The following G6PC1 variants were observed in gnomAD, a reference collection of about 807,000 sequenced individuals.
G6PC1 encodes glucose-6-phosphatase catalytic subunit 1.
Under a neutral mutation model 30.4 loss-of-function variants are expected in G6PC1, and 23 were observed. The observed-to-expected ratio is 0.76, with a 90% confidence interval of 0.55 to 1.07. The LOEUF is 1.07. Ranked by LOEUF, G6PC1 falls within the 50% of genes least tolerant of loss-of-function variation. The pLI, the probability that G6PC1 is intolerant of heterozygous loss-of-function variation, is 0.00. For synonymous variants in G6PC1, 163 were observed against 175.6 expected, an observed-to-expected ratio of 0.93 and a Z score of 0.57; for missense variants, 391 against 433.9, an observed-to-expected ratio of 0.90 and a Z score of 0.88.
At chr17:42,904,355 T>G in intron 2 of G6PC1, 1 of 389,874 alleles carries the variant, frequency 2.6e-6, no homozygotes. Context: ...CTGGGGGTCC[T>G]TCCCAATGGC....
rs756632286 is a variant in G6PC1 at position 42,903,941 on chromosome 17, G to C, written c.241G>C (p.Gly81Arg). 1 of 1,611,464 alleles carries C rather than the reference G, an allele frequency of 6.2e-7. No homozygotes were observed. Among genetic ancestry groups the C allele is most frequent in the Non-Finnish European group, 8.5e-7 (1 of 1,177,674 alleles). The change falls in exon 2 of 5, where the codon GGA becomes CGA. Residue 81 changes from glycine to arginine, a missense_variant. Physicochemically the swap from Gly to Arg is moderately radical, Grantham distance 125. Transcript: ENST00000253801. ...LNLVFKWILFGQRPYWWVLDT... is the reference protein window; with the variant it reads ...LNLVFKWILFRQRPYWWVLDT... ...TCTGTTTTTCCATAGGATTCTCTTT[G>C]GACAGCGTCCATACTGGTGGGTTTT...
chr17:42,907,737 T>A (rs1171829538), intron 3 of G6PC1, 109 bp downstream of exon 3: 1 of 765,496 alleles, frequency 1.3e-6, no homozygotes, highest in African/African-American at 1.7e-5. Flanking sequence ...CTCCCACACC[T>A]GGGCAGCCGC....
rs1255472535 is a variant in G6PC1, at chr17:42,907,581, T to A, written c.399T>A (p.Ser133=). Residue 133 remains serine (S), a synonymous_variant, in exon 3 of 5, where the codon TCT becomes TCA. Coordinates refer to ENST00000253801, the MANE Select transcript of G6PC1 (RefSeq NM_000151.4). The stretch of plus-strand genomic sequence containing the variant: ...GTGTATACTACGTGATGGTCACATC[T>A]ACTCTTTCCATCTTTCAGGGAAAGA... The part of the protein sequence containing the change: ...TAGVYYVMVT[S]TLSIFQGKIK... 1.2e-6 allele frequency: 2 copies of A among 1,614,004 alleles called. No individual in the cohort carries two copies. Among genetic ancestry groups the A allele is most frequent in the South Asian group, 2.2e-5 (2 of 91,066 alleles).
rs548521334 is a variant in G6PC1 at position 42,903,747 on chromosome 17, A to G, written c.231-184A>G. Among the ~76,000 whole-genome samples the G allele has an allele frequency of 4.6e-5, 7 of 152,198 alleles. No homozygotes were observed. In the South Asian group the frequency reaches 1.5e-3, roughly 32 times the overall value. Reference sequence around the variant, plus strand: ...ATACATTCAAACAGTTCAAAATGCAAAAGTTACATACATAAGGAAGTGTCA... The same window carrying G: ...ATACATTCAAACAGTTCAAAATGCAGAAGTTACATACATAAGGAAGTGTCA... On this transcript the variant is annotated intron_variant, in intron 1 of 4. Transcript: ENST00000253801.
In G6PC1 at chr17:42,911,391, C is replaced by T. The variant is rs80356487; in HGVS notation, c.1039C>T (p.Gln347Ter). The T allele has an allele frequency of 2.9e-4, 462 of 1,614,180 alleles. No homozygotes were observed. Among genetic ancestry groups the T allele is most frequent in the Non-Finnish European group, 3.7e-4 (437 of 1,180,030 alleles). The change falls in exon 5 of 5, where the codon CAG becomes TAG. Residue 347 changes from glutamine to a stop codon, truncating the protein, a stop_gained. Coordinates refer to ENST00000253801, the MANE Select transcript of G6PC1 (RefSeq NM_000151.4). LOFTEE classifies it high-confidence loss of function. Reference sequence around the variant, plus strand: ...CAGTGTCATCCCCTACTGCCTCGCCCAGGTCCTGGGCCAGCCGCACAAGAA... The same window carrying T: ...CAGTGTCATCCCCTACTGCCTCGCCTAGGTCCTGGGCCAGCCGCACAAGAA... ...SVSVIPYCLA[Q>*]VLGQPHKKSL
chr17:42,905,429 A>AAATATATATAT (rs572893716), intron 2 of G6PC1, among the ~76,000 whole-genome samples: 4 of 120,856 alleles, frequency 3.3e-5, no homozygotes, highest in African/African-American at 1.2e-4. Flanking sequence ...AAAAAAAAAA[A>AAATATATATAT]ATATATATAT....
chr17:42,907,500 C>T, intron 2 of G6PC1, 23 bp from the exon 3 acceptor site: 2 of 1,552,422 alleles, frequency 1.3e-6, no homozygotes, highest in Non-Finnish European at 1.8e-6. Flanking sequence ...CACCTTTACT[C>T]CATTCTCTTT....
chr17:42,906,739 G>C (rs946991921), intron 2 of G6PC1, among the ~76,000 whole-genome samples: 2 of 152,150 alleles, frequency 1.3e-5, no homozygotes, highest in Non-Finnish European at 2.9e-5. Context: ...AATTTGCTGT[G>C]TGTGGTGGTG....
At chr17:42,905,919 G>A (rs1040150557) in intron 2 of G6PC1, among the ~76,000 whole-genome samples, 4 of 151,772 alleles carry the variant, frequency 2.6e-5, no homozygotes, top group African/African-American at 9.7e-5. Context: ...GGTGGCGGGC[G>A]CCTGTAATCC....
chr17:42,914,173 G>A lies in G6PC1; in HGVS notation c.*2747G>A, dbSNP rs2056112841. Among the ~76,000 whole-genome samples, 1 of 151,636 alleles carries A rather than the reference G, an allele frequency of 6.6e-6. No individual in the cohort carries two copies. Among genetic ancestry groups the A allele is most frequent in the Admixed American group, 6.6e-5 (1 of 15,206 alleles). On this transcript the variant is annotated 3_prime_UTR_variant, in exon 5 of 5. Transcript: ENST00000253801. ...TGGTCTTGAACTCCTGGGTTCAAGTGATCCTCCTGCCTCAGCCTCCCAAAG... is the reference window on the plus strand; with the variant it reads ...TGGTCTTGAACTCCTGGGTTCAAGTAATCCTCCTGCCTCAGCCTCCCAAAG...
chr17:42,904,294 C>T (rs2056045401), intron 2 of G6PC1: 2 of 472,296 alleles, frequency 4.2e-6, no homozygotes, highest in Non-Finnish European at 7.9e-6. Flanking sequence ...GTGAGAGTCA[C>T]CGCCCTGCAG....
chr17:42,905,880 T>TA (rs541330174), intron 2 of G6PC1, among the ~76,000 whole-genome samples: 75 of 151,414 alleles, frequency 5.0e-4, no homozygotes, highest in Non-Finnish European at 7.7e-4. Context: ...TCGTCACTAA[T>TA]AAAAAAATAC....
chr17:42,903,897 A>G, intron 1 of G6PC1, 34 bp from the exon 2 acceptor site: 1 of 1,420,984 alleles, frequency 7.0e-7, no homozygotes, highest in Non-Finnish European at 1.0e-6. Flanking sequence ...GCATTCATTC[A>G]GTAACCCCAG....
intron 1 of G6PC1, among the ~76,000 whole-genome samples, chr17:42,903,707 A>G (rs2056041298): frequency 6.7e-6 from 1 of 148,740 alleles, no homozygotes; most frequent in South Asian, 2.1e-4. Flanking sequence ...TCCTGTCTCA[A>G]AAAAAAAAAA....
In G6PC1 at chr17:42,912,752, G is replaced by A. The variant is rs971966934; in HGVS notation, c.*1326G>A. On this transcript the variant is annotated 3_prime_UTR_variant, in exon 5 of 5. Coordinates refer to ENST00000253801, the MANE Select transcript of G6PC1 (RefSeq NM_000151.4). The stretch of plus-strand genomic sequence containing the variant: ...AGCGTCCCGCGTAGCTGGGACTACA[G>A]GTGCAAGCCACTATGTCCAGCTAGC... 7 of 151,614 alleles carry A rather than the reference G, an allele frequency of 4.6e-5. No homozygotes were observed. The highest frequency in any genetic ancestry group is 1.7e-4 in the African/African-American group (7 of 41,212). 9.4% of individuals were successfully genotyped at this position (151,614 alleles called of 1,614,324 possible).
intron 3 of G6PC1, among the ~76,000 whole-genome samples, chr17:42,908,977 G>A (rs1209441401): frequency 2.6e-5 from 4 of 151,830 alleles, no homozygotes; most frequent in Admixed American, 6.6e-5. Flanking sequence ...CAAAGTGCTG[G>A]GATTACAAGC....
chr17:42,901,214 G>T (rs1195710546), intron 1 of G6PC1, 108 bp downstream of exon 1: 6 of 912,878 alleles, frequency 6.6e-6, no homozygotes, highest in South Asian at 1.3e-5. Context: ...GAAGCCACGG[G>T]CTACTCATGC....
At chr17:42,903,080 A>C (rs74933780) in intron 1 of G6PC1, among the ~76,000 whole-genome samples, 1 of 126,684 alleles carries the variant, frequency 7.9e-6, no homozygotes, top group African/African-American at 3.0e-5. Flanking sequence ...GGATTTCAGG[A>C]TTTTTTTTTT....
chr17:42,909,031 CAG>C (rs899407453), intron 3 of G6PC1, among the ~76,000 whole-genome samples: 1 of 151,858 alleles, frequency 6.6e-6, no homozygotes, highest in Admixed American at 6.6e-5. Flanking sequence ...TTTAAAGAGA[CAG>C]GGGTCTTGCT....
Sources: gnomAD v4.1 joint callset for allele counts (sites outside exome capture counted in the v4.1 genomes callset) on GRCh38, gnomAD v4.1.1 for gene constraint, MANE v1.5 for transcripts, NCBI Gene and HGNC (gene_info 2026-07-23, HGNC 2026-07-21) for gene names.